TNRC18: variants seen among roughly 807,000 people sequenced by gnomAD.
TNRC18 encodes the protein trinucleotide repeat-containing gene 18 protein.
In TNRC18, 69 loss-of-function variants were observed where a neutral mutation model predicts 226.7. That is an observed-to-expected ratio of 0.30 (90% CI 0.25 to 0.37). The LOEUF is 0.37. Among genes scored for constraint, TNRC18 ranks in the 10% least tolerant of loss-of-function variants. The probability of loss-of-function intolerance (pLI) is 1.00; values close to 1 mark genes in which losing one functional copy is unlikely to be tolerated. For missense variants in TNRC18, 4,754 were observed against 4,256.6 expected, an observed-to-expected ratio of 1.12 and a Z score of -3.25; for synonymous variants, 2,449 against 1,927.6, an observed-to-expected ratio of 1.27 and a Z score of -7.09.
intron 2 of TNRC18, among the ~76,000 whole-genome samples, chr7:5,406,850 C>CAAA (rs770572593): frequency 2.7e-4 from 26 of 94,610 alleles, no homozygotes; most frequent in African/African-American, 7.7e-4. Context: ...GACTCTGTCT[C>CAAA]AAAAAAAAAA....
At chr7:5,365,121 C>T (rs1306741345) in intron 11 of TNRC18, among the ~76,000 whole-genome samples, 1 of 152,082 alleles carries the variant, frequency 6.6e-6, no homozygotes, top group Admixed American at 6.6e-5. Flanking sequence ...TAGATTGTTT[C>T]CTGTCTTTTC....
At chr7:5,311,590 G>A (rs983333916) in intron 27 of TNRC18, among the ~76,000 whole-genome samples, 5 of 152,058 alleles carry the variant, frequency 3.3e-5, no homozygotes, top group African/African-American at 1.2e-4. Flanking sequence ...GAGGCGGGAG[G>A]ATCACTTGAG....
chr7:5,320,656 G>C (rs780322598), intron 22 of TNRC18, 49 bp from the exon 23 acceptor site: 1 of 1,549,564 alleles, frequency 6.5e-7, no homozygotes, highest in Non-Finnish European at 8.8e-7. Context: ...GACCTCCCCA[G>C]AGGGCCTCAA....
Position 5,388,089 on chromosome 7 carries a change from A to G in TNRC18, c.1735T>C (p.Ser579Pro), listed in dbSNP as rs4724663. ...VADMHSAAHG[S>P]GEASAMQSLI... is the part of the protein sequence containing the mutation. ...CTCTGCATGGCCGAGGCCTCTCCAG[A>G]CCCGTGGGCCGCAGAGTGCATGTCA... The change falls in exon 5 of 30, where the codon TCT (serine) becomes CCT (proline). Residue 579 changes from serine (S) to proline (P), a missense_variant. By Grantham distance (74) the Ser-to-Pro change is moderately conservative. Transcript: ENST00000430969. 1 allele frequency: 1,548,608 copies of G among 1,554,038 alleles called. 771,597 individuals are homozygous for G. The highest frequency in any genetic ancestry group is 1 in the East Asian group (41,215 of 41,216).
chr7:5,388,451 G>A lies in TNRC18; in HGVS notation c.1373C>T (p.Ala458Val). Residue 458 changes from alanine (A) to valine (V), a missense_variant, in exon 5 of 30, where the codon GCC becomes GTC. Ala to Val is a moderately conservative substitution (Grantham distance 64, BLOSUM62 0). Coordinates refer to ENST00000430969, the MANE Select transcript of TNRC18 (RefSeq NM_001080495.3). ...GAGCAGCTCCTTGGCAGGCACGTAG[G>A]CGCGGGGGTCCGGGGAGGCGCGTGT... ...RATRASPDPR[A>V]YVPAKELLKP... 6.9e-7 allele frequency: 1 copy of A among 1,454,006 alleles called. No individual in the cohort carries two copies. The highest frequency in any genetic ancestry group is 9.0e-7 in the Non-Finnish European group (1 of 1,115,738). 90.1% of individuals were successfully genotyped at this position (1,454,006 alleles called of 1,614,324 possible). A position where few individuals can be genotyped will look rare whatever the true frequency, so the allele number is the denominator to read the frequency against.
chr7:5,359,625 G>A, intron 14 of TNRC18, 56 bp from the exon 15 acceptor site: 1 of 1,605,312 alleles, frequency 6.2e-7, no homozygotes, highest in Non-Finnish European at 8.5e-7. Context: ...CTCGCAGGCT[G>A]AGGTCCACCC....
intron 18 of TNRC18, among the ~76,000 whole-genome samples, chr7:5,343,578 G>A (rs753561901): frequency 4.6e-5 from 7 of 152,142 alleles, no homozygotes; most frequent in African/African-American, 9.6e-5. Context: ...GCATGCTACC[G>A]TGCCTGGCTA....
At chr7:5,347,483 G>A (rs62443185) in intron 17 of TNRC18, among the ~76,000 whole-genome samples, 116,045 of 150,986 alleles carry the variant, frequency 0.77, 44,672 homozygotes, top group African/African-American at 0.81. Context: ...GGCATGAGCC[G>A]CCACACCCAG....
Position 5,359,456 on chromosome 7 carries a change from G to A in TNRC18, c.4775C>T (p.Ala1592Val), listed in dbSNP as rs528519694. The A allele has an allele frequency of 6.2e-7, 1 of 1,614,016 alleles. No individual in the cohort carries two copies. The highest frequency in any genetic ancestry group is 8.5e-7 in the Non-Finnish European group (1 of 1,179,902). ...ATCCCAAGTCTGGTTCCTCCCCCTG[G>A]CTTTCCCCATTCCGATGAGGGCATC... is the stretch of plus-strand genomic sequence containing the variant. ...EHDALIGMGK[A>V]RGRNQTWDEH... The change falls in exon 15 of 30, where the codon GCC becomes GTC. Residue 1592 changes from alanine (A) to valine (V), a missense_variant. Transcript: ENST00000430969.
At chr7:5,310,016 C>T (rs1482905875) in intron 27 of TNRC18, among the ~76,000 whole-genome samples, 3 of 152,062 alleles carry the variant, frequency 2.0e-5, no homozygotes, top group Non-Finnish European at 4.4e-5. Flanking sequence ...GGGCTCAAGC[C>T]ATCCTCCTCC....
In TNRC18 at chr7:5,357,007, T is replaced by C. The variant is rs1390963275; in HGVS notation, c.5103A>G (p.Lys1701=). The C allele has an allele frequency of 1.9e-6, 3 of 1,552,280 alleles. 1 individual carries two copies. The South Asian group carries it at 3.6e-5, about 18-fold the overall frequency. Reference sequence around the variant, plus strand: ...TGAACCCCACCTCCATCTTCCTGGTTTTGGCTGCCCTTTTGTGTTTACCTT... The same window carrying C: ...TGAACCCCACCTCCATCTTCCTGGTCTTGGCTGCCCTTTTGTGTTTACCTT... ...SREGKHKRAA[K]TRKMEVGFKA... is the part of the protein sequence containing the mutation. The change falls in exon 16 of 30, where the codon AAA becomes AAG. Residue 1701 remains lysine (K), a synonymous_variant. Coordinates refer to ENST00000430969, the MANE Select transcript of TNRC18 (RefSeq NM_001080495.3).
At chr7:5,401,465 C>T (rs1781086876) in intron 2 of TNRC18, among the ~76,000 whole-genome samples, 1 of 152,152 alleles carries the variant, frequency 6.6e-6, no homozygotes, top group South Asian at 2.1e-4. Context: ...CTTCCCTGTC[C>T]TTTTTCACAT....
In TNRC18 at chr7:5,390,633, A is replaced by G. The variant is rs1780223758; in HGVS notation, c.344-5T>C. On this transcript the variant is annotated splice_region_variant and splice_polypyrimidine_tract_variant and intron_variant, in intron 3 of 29. Coordinates refer to ENST00000430969, the MANE Select transcript of TNRC18 (RefSeq NM_001080495.3). ...CACTGGGCAGGTGGGAGAAGCCTGT[A>G]ACAGAAAAGAGAAAAGCTGGGCTGG... 6.5e-7 allele frequency: 1 copy of G among 1,543,686 alleles called. No individual in the cohort carries two copies. The highest frequency in any genetic ancestry group is 2.1e-5 in the Admixed American group (1 of 47,606).
chr7:5,361,758 G>C (rs1164922875), intron 13 of TNRC18, 36 bp from the exon 14 acceptor site: 1 of 1,550,364 alleles, frequency 6.5e-7, no homozygotes, highest in Non-Finnish European at 8.7e-7. Context: ...GTGACGCTGG[G>C]GGGCGGGCGG....
rs201556035 is a variant in TNRC18, at chr7:5,392,955, TGA to T, written c.343+1483_343+1484del. Reference sequence around the variant, plus strand: ...TGAGCCTGGGAGGCGGAGGTTGCAGTGAGCTGAGATTGCACCACTGCACTCCA... The same window carrying T: ...TGAGCCTGGGAGGCGGAGGTTGCAGTGCTGAGATTGCACCACTGCACTCCA... On this transcript the variant is annotated intron_variant, in intron 3 of 29. Coordinates refer to ENST00000430969, the MANE Select transcript of TNRC18 (RefSeq NM_001080495.3). 5.2e-3 allele frequency among the ~76,000 whole-genome samples: 783 copies of T among 151,832 alleles called. 13 individuals carry two copies. Among genetic ancestry groups the T allele is most frequent in the African/African-American group, 0.018 (730 of 41,400 alleles).
intron 2 of TNRC18, among the ~76,000 whole-genome samples, chr7:5,398,436 C>CTGGG (rs1780853292): frequency 1.3e-5 from 2 of 152,336 alleles, no homozygotes; most frequent in South Asian, 4.1e-4. Context: ...TCCCAAAGTG[C>CTGGG]TGGGATTACA....
At chr7:5,375,923 T>C (rs1794626209) in intron 9 of TNRC18, 111 bp downstream of exon 9, 2 of 1,109,344 alleles carry the variant, frequency 1.8e-6, no homozygotes, top group South Asian at 3.2e-5. Context: ...CCTGCCCCTC[T>C]GCTGTTTTCT....
rs1408776232 is a variant in TNRC18, at chr7:5,374,427, G to A, written c.2857C>T (p.Arg953Trp). 6.5e-6 allele frequency: 10 copies of A among 1,543,538 alleles called. No individual in the cohort carries two copies. The highest frequency in any genetic ancestry group is 1.2e-5 in the South Asian group (1 of 83,896). The change falls in exon 10 of 30, where the codon CGG becomes TGG. Residue 953 changes from arginine (R) to tryptophan (W), a missense_variant. Transcript: ENST00000430969. The part of the protein sequence containing the change: ...RAEMEEKGSK[R>W]GLEAAGKAGL... ...GCCTTGCCCGCAGCCTCCAGGCCCC[G>A]CTTGCTCCCCTTCTCTTCCATCTCC...
chr7:5,316,274 C>CTCT (rs1405579367), intron 24 of TNRC18, among the ~76,000 whole-genome samples: 21 of 86,534 alleles, frequency 2.4e-4, no homozygotes, highest in African/African-American at 9.3e-4. Flanking sequence ...AGAAATGGGT[C>CTCT]TTTTTTTTTT....
Sources: gnomAD v4.1 joint callset for allele counts (sites outside exome capture counted in the v4.1 genomes callset) on GRCh38, gnomAD v4.1.1 for gene constraint, MANE v1.5 for transcripts, NCBI Gene and HGNC (gene_info 2026-07-23, HGNC 2026-07-21) for gene names.